Variants in ELOVL4 observed in about 807,000 individuals in gnomAD.
ELOVL4 encodes ELOVL fatty acid elongase 4, also known as very long chain fatty acid elongase 4.
Under a neutral mutation model 42.1 loss-of-function variants are expected in ELOVL4, and 18 were observed. The ratio of observed to expected loss-of-function variants is 0.43; its 90% CI spans 0.30 to 0.63. ELOVL4 has a LOEUF of 0.63. Among genes scored for constraint, ELOVL4 ranks in the 30% least tolerant of loss-of-function variants. The pLI, the probability that ELOVL4 is intolerant of heterozygous loss-of-function variation, is 0.15. For missense variants in ELOVL4, 299 were observed against 376.2 expected, an observed-to-expected ratio of 0.79 and a Z score of 1.70; for synonymous variants, 117 against 127.0, an observed-to-expected ratio of 0.92 and a Z score of 0.53.
intron 1 of ELOVL4, 134 bp downstream of exon 1, chr6:79,947,046 C>T (rs1209965718): frequency 1.1e-5 from 8 of 736,600 alleles, no homozygotes; most frequent in African/African-American, 1.0e-4. Flanking sequence ...CCGCGCCGGC[C>T]CCTCCGCTGA....
At position 79,916,635 on chromosome 6, in the gene ELOVL4, C is replaced by G. The variant is rs1774165769; in HGVS notation, c.918G>C (p.Gln306His). 7 of 1,614,066 alleles carry G rather than the reference C, an allele frequency of 4.3e-6. No individual in the cohort carries two copies. Among genetic ancestry groups the G allele is most frequent in the Non-Finnish European group, 5.1e-6 (6 of 1,179,998 alleles). Residue 306 changes from glutamine (Q) to histidine (H), a missense_variant, in exon 6 of 6, where the codon CAG (glutamine) becomes CAC (histidine). Transcript: ENST00000369816. Reference sequence around the variant, plus strand: ...AATCTCCTTTTGCTTTTCCATTTTTCTGCTTTTTTCCATTTTCTATCATGA... The same window carrying G: ...AATCTCCTTTTGCTTTTCCATTTTTGTGCTTTTTTCCATTTTCTATCATGA... ...KQLMIENGKK[Q>H]KNGKAKGD is the part of the protein sequence containing the mutation.
chr6:79,945,630 G>T (rs1774728013), intron 1 of ELOVL4, among the ~76,000 whole-genome samples: 1 of 152,098 alleles, frequency 6.6e-6, no homozygotes, highest in Non-Finnish European at 1.5e-5. Flanking sequence ...TGTGCGAAGT[G>T]CAATTACCTG....
intron 1 of ELOVL4, among the ~76,000 whole-genome samples, chr6:79,940,657 A>G (rs1284092120): frequency 6.6e-6 from 1 of 152,216 alleles, no homozygotes; most frequent in East Asian, 1.9e-4. Context: ...TCAATAAACT[A>G]AGCCTTAAAG....
intron 1 of ELOVL4, among the ~76,000 whole-genome samples, chr6:79,941,445 T>C (rs186118451): frequency 1.1e-3 from 161 of 152,364 alleles, no homozygotes; most frequent in African/African-American, 3.8e-3. Context: ...ATTTTATATG[T>C]CTTGGAATCT....
At chr6:79,927,665 T>C (rs1774366570) in intron 1 of ELOVL4, among the ~76,000 whole-genome samples, 1 of 151,646 alleles carries the variant, frequency 6.6e-6, no homozygotes, top group Non-Finnish European at 1.5e-5. Context: ...GAAATCAGAG[T>C]TGTTAAGAAG....
chr6:79,935,524 A>G lies in ELOVL4; in HGVS notation c.101-9143T>C, dbSNP rs75346711. On this transcript the variant is annotated intron_variant, in intron 1 of 5. Coordinates refer to ENST00000369816, the MANE Select transcript of ELOVL4 (RefSeq NM_022726.4). ...CAGGGAGAGGGACAAGACTTGAATT[A>G]AAAACCTAAATTCTAGCTCTGTCAT... Among the ~76,000 whole-genome samples the G allele has an allele frequency of 8.7e-3, 1,321 of 152,302 alleles. 16 individuals are homozygous for G. Among genetic ancestry groups the G allele is most frequent in the African/African-American group, 0.03 (1,264 of 41,566 alleles).
At chr6:79,921,500 T>C (rs1226808097) in intron 4 of ELOVL4, 125 bp downstream of exon 4, 2 of 383,474 alleles carry the variant, frequency 5.2e-6, no homozygotes, top group Admixed American at 4.4e-5. Flanking sequence ...GAAATGAACA[T>C]GGAAATGATT....
At chr6:79,929,790 CAT>C (rs1774413306) in intron 1 of ELOVL4, among the ~76,000 whole-genome samples, 1 of 152,202 alleles carries the variant, frequency 6.6e-6, no homozygotes, top group South Asian at 2.1e-4. Flanking sequence ...AGCACCTGCA[CAT>C]GTTACTATTC....
chr6:79,936,423 T>C (rs1420815635), intron 1 of ELOVL4, among the ~76,000 whole-genome samples: 1 of 152,216 alleles, frequency 6.6e-6, no homozygotes, highest in African/African-American at 2.4e-5. Context: ...TATGTCACAC[T>C]GTACACTGCA....
chr6:79,945,114 CA>C (rs1376472132), intron 1 of ELOVL4, among the ~76,000 whole-genome samples: 2 of 151,996 alleles, frequency 1.3e-5, no homozygotes, highest in Non-Finnish European at 1.5e-5. Context: ...CCTCACACAG[CA>C]GTACAGCAGA....
intron 1 of ELOVL4, among the ~76,000 whole-genome samples, chr6:79,933,923 A>G (rs1774500093): frequency 6.6e-6 from 1 of 152,248 alleles, no homozygotes; most frequent in Non-Finnish European, 1.5e-5. Flanking sequence ...GAAGAGAGTC[A>G]AAGAAAAGTT....
chr6:79,933,340 C>T (rs1004729948), intron 1 of ELOVL4, among the ~76,000 whole-genome samples: 3 of 152,150 alleles, frequency 2.0e-5, no homozygotes, highest in Admixed American at 6.5e-5. Context: ...AAGCGATTTT[C>T]GTGCCTCAGC....
Position 79,947,503 on chromosome 6 carries a change from G to C in ELOVL4, c.-224C>G, listed in dbSNP as rs1486952169. On this transcript the variant is annotated 5_prime_UTR_variant, in exon 1 of 6. Transcript: ENST00000369816. ...TCGTCAAGGTTCCCGGGAGAAAGAC[G>C]AGGAGGTGGAGGAGGCCCAGCCGCC... 1 of 568,848 alleles carries C rather than the reference G, an allele frequency of 1.8e-6. No homozygotes were observed. Among genetic ancestry groups the C allele is most frequent in the Non-Finnish European group, 3.1e-6 (1 of 318,360 alleles). The allele number at this position is 568,848 out of a possible 1,614,324, so 35.2% of individuals were successfully genotyped here.
chr6:79,924,461 A>AACAAATTTGAGT (rs778567068), intron 3 of ELOVL4, among the ~76,000 whole-genome samples: 116 of 152,314 alleles, frequency 7.6e-4, no homozygotes, highest in Non-Finnish European at 1.2e-3. Context: ...GAGATACAAA[A>AACAAATTTGAGT]ACAAATTTTA....
At chr6:79,943,284 C>G (rs1344168093) in intron 1 of ELOVL4, among the ~76,000 whole-genome samples, 1 of 152,112 alleles carries the variant, frequency 6.6e-6, no homozygotes, top group Non-Finnish European at 1.5e-5. Context: ...AGTTAAACAT[C>G]CCCTCCCACT....
At chr6:79,925,523 C>G (rs343628) in intron 2 of ELOVL4, among the ~76,000 whole-genome samples, 35,426 of 152,072 alleles carry the variant, frequency 0.23, 6,060 homozygotes, top group African/African-American at 0.48. Flanking sequence ...AGTTCTCTGG[C>G]TTCATACAGA....
chr6:79,921,865 G>GT (rs1774262476), intron 3 of ELOVL4, 69 bp from the exon 4 acceptor site: 1 of 1,454,250 alleles, frequency 6.9e-7, no homozygotes, highest in African/African-American at 1.4e-5. Flanking sequence ...CTCATTGTAA[G>GT]TAAGTCCAAA....
chr6:79,921,940 A>T, intron 3 of ELOVL4, 144 bp from the exon 4 acceptor site: 3 of 783,948 alleles, frequency 3.8e-6, no homozygotes, highest in Non-Finnish European at 6.3e-6. Flanking sequence ...AGTAGGTTTG[A>T]AAAACCTAAG....
At position 79,921,790 on chromosome 6, in the gene ELOVL4, C is replaced by T; in HGVS notation, c.376G>A (p.Ala126Thr). 6.2e-7 allele frequency: 1 copy of T among 1,613,964 alleles called. No individual in the cohort carries two copies. Among genetic ancestry groups the T allele is most frequent in the South Asian group, 1.1e-5 (1 of 91,078 alleles). ...SNNVHEVRIA[A>T]ALWWYFVSKG... is the part of the protein sequence containing the mutation. ...GATACAAAGTACCACCACAGAGCAG[C>T]AGCTATCTGTAAAAAGGGAAAGCGT... is the stretch of plus-strand genomic sequence containing the variant. The change falls in exon 4 of 6, where the codon GCT becomes ACT. Residue 126 changes from alanine (A) to threonine (T), a missense_variant. Physicochemically the swap from Ala to Thr is moderately conservative, Grantham distance 58. Coordinates refer to ENST00000369816, the MANE Select transcript of ELOVL4 (RefSeq NM_022726.4).
Sources: gnomAD v4.1 joint callset for allele counts (sites outside exome capture counted in the v4.1 genomes callset) on GRCh38, gnomAD v4.1.1 for gene constraint, MANE v1.5 for transcripts, NCBI Gene and HGNC (gene_info 2026-07-23, HGNC 2026-07-21) for gene names.